HPS4: variants seen among roughly 807,000 people sequenced by gnomAD.
The protein encoded by HPS4 is BLOC-3 complex member HPS4.
HPS4 carries 44 observed loss-of-function variants against 70.3 expected under a neutral mutation model. That is an observed-to-expected ratio of 0.63 (90% CI 0.49 to 0.80). HPS4 has a LOEUF of 0.80. Among genes scored for constraint, HPS4 ranks in the 30% least tolerant of loss-of-function variants. The probability of loss-of-function intolerance (pLI) is 0.00; values close to 1 mark genes in which losing one functional copy is unlikely to be tolerated. For missense variants in HPS4, 873 were observed against 884.4 expected, an observed-to-expected ratio of 0.99 and a Z score of 0.16; for synonymous variants, 377 against 355.9, an observed-to-expected ratio of 1.06 and a Z score of -0.67.
rs375462083 is a variant in HPS4 at position 26,472,392 on chromosome 22, C to T, written c.411G>A (p.Thr137=). The T allele has an allele frequency of 9.9e-6, 16 of 1,611,772 alleles. No individual in the cohort carries two copies. Among genetic ancestry groups the T allele is most frequent in the Non-Finnish European group, 1.1e-5 (13 of 1,177,952 alleles). ...TTTGCTCGATGAAGGTGTCCCACTCCGTGCTCAGTTCTTCCTGAGAACAGT... is the reference window on the plus strand; with the variant it reads ...TTTGCTCGATGAAGGTGTCCCACTCTGTGCTCAGTTCTTCCTGAGAACAGT... ...YENCSQEELS[T]EWDTFIEQIL... is the part of the protein sequence containing the mutation. The change falls in exon 6 of 14, where the codon ACG becomes ACA. Residue 137 remains threonine (T), a synonymous_variant. Coordinates refer to ENST00000398145, the MANE Select transcript of HPS4 (RefSeq NM_022081.6).
intron 8 of HPS4, chr22:26,468,237 C>T: frequency 2.5e-6 from 1 of 401,246 alleles, no homozygotes; most frequent in Admixed American, 3.7e-5. Context: ...CCTTTACAGT[C>T]TGTCTCTGAA....
chr22:26,483,729 G>T lies in HPS4; in HGVS notation c.-534C>A, dbSNP rs2091573189. On this transcript the variant is annotated 5_prime_UTR_variant, in exon 1 of 14. Coordinates refer to ENST00000398145, the MANE Select transcript of HPS4 (RefSeq NM_022081.6). ...TTCGGGACTCTGGACCAGAAATGTG[G>T]GCAGCAGCTGGGTACCTGCGACTTC... is the stretch of plus-strand genomic sequence containing the variant. 6.8e-6 allele frequency: 3 copies of T among 442,592 alleles called. No individual in the cohort carries two copies. The highest frequency in any genetic ancestry group is 2.1e-5 in the African/African-American group (1 of 48,398). The allele number at this position is 442,592 out of a possible 1,614,324, so 27.4% of individuals were successfully genotyped here.
intron 6 of HPS4, among the ~76,000 whole-genome samples, chr22:26,471,988 C>T (rs1485111266): frequency 1.3e-5 from 2 of 152,178 alleles, no homozygotes; most frequent in East Asian, 3.8e-4. Flanking sequence ...TCAAGAGAGG[C>T]GGCCTTCAGA....
At chr22:26,474,455 A>G (rs572772105) in intron 4 of HPS4, among the ~76,000 whole-genome samples, 2 of 152,330 alleles carry the variant, frequency 1.3e-5, no homozygotes, top group African/African-American at 4.8e-5. Flanking sequence ...ACAGATCTAA[A>G]TTTAAAAGCT....
At chr22:26,479,153 T>C in intron 3 of HPS4, 112 bp downstream of exon 3, 4 of 1,004,402 alleles carry the variant, frequency 4.0e-6, no homozygotes, top group Non-Finnish European at 4.7e-6. Context: ...ACAGTAGAAA[T>C]GTCATTGTCT....
intron 13 of HPS4, among the ~76,000 whole-genome samples, chr22:26,454,865 G>A (rs1307145793): frequency 6.6e-6 from 1 of 151,918 alleles, no homozygotes; most frequent in Non-Finnish European, 1.5e-5. Flanking sequence ...AATCTACAAT[G>A]AACTCAAACA....
In HPS4 at chr22:26,472,900, T is replaced by G. The variant is rs149817614; in HGVS notation, c.316A>C (p.Lys106Gln). The change falls in exon 5 of 14, where the codon AAG becomes CAG. Residue 106 changes from lysine (K) to glutamine (Q), a missense_variant. By Grantham distance (53) the Lys-to-Gln change is moderately conservative (BLOSUM62 1). Coordinates refer to ENST00000398145, the MANE Select transcript of HPS4 (RefSeq NM_022081.6). The part of the protein sequence containing the change: ...CAVELPDVSC[K>Q]RFLDQLVGFF... Reference sequence around the variant, plus strand: ...CCAACTAGCTGATCCAGAAACCGCTTGCAGCTGACATCAGGGAGCTCCACA... The same window carrying G: ...CCAACTAGCTGATCCAGAAACCGCTGGCAGCTGACATCAGGGAGCTCCACA... The G allele has an allele frequency of 2.5e-6, 4 of 1,614,130 alleles. No individual in the cohort carries two copies. In the African/African-American group the frequency reaches 5.3e-5, roughly 22 times the overall value.
downstream of HPS4, among the ~76,000 whole-genome samples, chr22:26,449,750 G>A (rs1013653716): frequency 2.0e-4 from 31 of 152,312 alleles, no homozygotes; most frequent in African/African-American, 7.2e-4. Flanking sequence ...AGGGAACTGG[G>A]CATCACAAGG....
chr22:26,456,056 G>C (rs973360337), intron 13 of HPS4, among the ~76,000 whole-genome samples: 3 of 152,204 alleles, frequency 2.0e-5, no homozygotes, highest in Admixed American at 2.0e-4. Context: ...CTGACAGAAA[G>C]ATCTATTGGA....
At chr22:26,467,253 T>C (rs1426288218) in intron 8 of HPS4, 1 of 152,230 alleles carries the variant, frequency 6.6e-6, no homozygotes, top group Admixed American at 6.5e-5. Context: ...AAACTTTCTG[T>C]GCAAAAGACA....
chr22:26,458,456 C>T lies in HPS4; in HGVS notation c.1835G>A (p.Ser612Asn). 1.2e-6 allele frequency: 2 copies of T among 1,614,174 alleles called. No homozygotes were observed. The highest frequency in any genetic ancestry group is 8.5e-7 in the Non-Finnish European group (1 of 1,180,032). The change falls in exon 12 of 14, where the codon AGC (serine) becomes AAC (asparagine). Residue 612 changes from serine to asparagine, a missense_variant. Coordinates refer to ENST00000398145, the MANE Select transcript of HPS4 (RefSeq NM_022081.6). ...YNFTHYDRIQ[S>N]LLMANLPQVA... ...TGGCTGGTTCTTACCCATCAGCAAG[C>T]TCTGAATGCGGTCGTAATGTGTGAA...
intron 13 of HPS4, among the ~76,000 whole-genome samples, chr22:26,455,420 A>C (rs1167986826): frequency 6.6e-6 from 1 of 151,824 alleles, no homozygotes; most frequent in Non-Finnish European, 1.5e-5. Flanking sequence ...TGATGAGTTC[A>C]TGTCCTTTGT....
At position 26,466,839 on chromosome 22, in the gene HPS4, A is replaced by C. The variant is rs57458785; in HGVS notation, c.670-577T>G. On this transcript the variant is annotated intron_variant, in intron 8 of 13. Transcript: ENST00000398145. ...GAGGGTTCCAAAAGAACCCACCAAA[A>C]CAAAACCAAACCAAACAAGAACTGC... 253 of 158,936 alleles carry C rather than the reference A, an allele frequency of 1.6e-3. 2 individuals are homozygous for C. The highest frequency in any genetic ancestry group is 5.7e-3 in the African/African-American group (239 of 41,606). 9.8% of individuals were successfully genotyped at this position (158,936 alleles called of 1,614,324 possible).
At chr22:26,445,385 G>A (rs2084920221) in intron 3 of HPS4, among the ~76,000 whole-genome samples, 1 of 152,216 alleles carries the variant, frequency 6.6e-6, no homozygotes, top group South Asian at 2.1e-4. Flanking sequence ...AGGCTCTTGT[G>A]TTTTGAGTGA....
chr22:26,449,043 G>A (rs1366935266), downstream of HPS4, among the ~76,000 whole-genome samples: 1 of 152,136 alleles, frequency 6.6e-6, no homozygotes, highest in Non-Finnish European at 1.5e-5. Flanking sequence ...CAGGCTGAGA[G>A]TATTAGTGTG....
chr22:26,461,691 T>TA (rs1417935295), intron 11 of HPS4, among the ~76,000 whole-genome samples: 10 of 152,118 alleles, frequency 6.6e-5, no homozygotes, highest in African/African-American at 2.4e-4. Context: ...GGAAATCAGA[T>TA]AAAGTATTTT....
In HPS4 at chr22:26,453,136, GT is replaced by G; in HGVS notation, c.*96del. On this transcript the variant is annotated 3_prime_UTR_variant, in exon 14 of 14. Coordinates refer to ENST00000398145, the MANE Select transcript of HPS4 (RefSeq NM_022081.6). ...TCATTTGGTTCCTAAAAAAGGGAAT[GT>G]TTTCAAGAAAAATAAAATAGAGGGG... The G allele has an allele frequency of 7.8e-7, 1 of 1,274,398 alleles. No individual in the cohort carries two copies. The highest frequency in any genetic ancestry group is 1.1e-6 in the Non-Finnish European group (1 of 896,854). 78.9% of individuals were successfully genotyped at this position (1,274,398 alleles called of 1,614,324 possible).
downstream of HPS4, among the ~76,000 whole-genome samples, chr22:26,446,355 C>T (rs985156501): frequency 4.6e-5 from 7 of 152,288 alleles, no homozygotes; most frequent in South Asian, 2.1e-4. Context: ...TTGGTGACAG[C>T]GATTAAACTT....
intron 9 of HPS4, 168 bp downstream of exon 9, chr22:26,466,058 G>T (rs748255618): frequency 6.5e-7 from 1 of 1,548,918 alleles, no homozygotes; most frequent in South Asian, 1.2e-5. Flanking sequence ...TACCATTAGG[G>T]TTCTGGTGGG....
Sources: allele counts gnomAD v4.1 joint callset (sites outside exome capture counted in the v4.1 genomes callset), GRCh38; gene constraint gnomAD v4.1.1; transcripts MANE v1.5; gene names NCBI Gene and HGNC (gene_info 2026-07-23, HGNC 2026-07-21).